CHD1L: variants seen among roughly 807,000 people sequenced by gnomAD.
CHD1L encodes ATP-dependent chromatin remodeler CHD1L.
A neutral mutation model predicts 115.9 loss-of-function variants in CHD1L; 118 were observed. The observed-to-expected ratio is 1.02, with a 90% CI of 0.88 to 1.19. The LOEUF is 1.19. CHD1L is among the 50% of genes most tolerant of loss of function. The pLI is 0.00. For missense variants in CHD1L, 1,179 were observed against 1,065.3 expected (o/e 1.11, Z -1.49); for synonymous variants, 411 against 387.1 (o/e 1.06, Z -0.72).
the CHD1L span, among the ~76,000 whole-genome samples, chr1:147,219,840 C>CTTTTTT: frequency 1.9e-4 from 25 of 132,874 alleles, no homozygotes; most frequent in African/African-American, 2.5e-4. Context: ...ATGTTAATTG[C>CTTTTTT]TTTTTTTTTT....
chr1:147,225,512 C>A, the CHD1L span: 1 of 160,276 alleles, frequency 6.2e-6, no homozygotes, highest in Admixed American at 5.9e-5. Flanking sequence ...CTGCTTTGGG[C>A]GAAAAAGTTA....
chr1:147,191,493 T>A, the CHD1L span, among the ~76,000 whole-genome samples: 1 of 152,062 alleles, frequency 6.6e-6, no homozygotes, highest in Non-Finnish European at 1.5e-5. Flanking sequence ...TTTTGAGAAG[T>A]GTCTGTTCAT....
At chr1:147,288,346 A>G (rs1288935139) in intron 19 of CHD1L, among the ~76,000 whole-genome samples, 442 of 3,644 alleles carry the variant, frequency 0.12, 3 homozygotes, top group African/African-American at 0.19. Context: ...AAAAAAAAAA[A>G]GAAAAAGAGA....
the CHD1L span, among the ~76,000 whole-genome samples, chr1:147,228,727 T>C: frequency 2.6e-5 from 4 of 152,208 alleles, no homozygotes; most frequent in East Asian, 1.9e-4. Context: ...TGGTATCTCA[T>C]TGTGGTTTTG....
chr1:147,208,818 C>T, the CHD1L span: 1 of 1,570,166 alleles, frequency 6.4e-7, no homozygotes, highest in Non-Finnish European at 8.8e-7. Flanking sequence ...TGTGCTTTGG[C>T]CACTATCCCT....
intron 3 of CHD1L, 59 bp downstream of exon 3, chr1:147,255,035 G>T: frequency 3.1e-6 from 4 of 1,284,806 alleles, no homozygotes; most frequent in Non-Finnish European, 2.1e-6. Context: ...TTTTTTTCTG[G>T]ATGATGTATA....
At position 147,293,696 on chromosome 1, in the gene CHD1L, T is replaced by TA; in HGVS notation, c.2481dup (p.Phe828IlefsTer24). On this transcript the variant is annotated frameshift_variant, in exon 21 of 23. Transcript: ENST00000369258. LOFTEE classifies it high-confidence loss of function. ...GCCCTAGAAGAGGGCCTGAAGAAGATATTTTTAGCAGCAAAAAAGAAGAAA... is the reference window on the plus strand; with the variant it reads ...GCCCTAGAAGAGGGCCTGAAGAAGATAATTTTTAGCAGCAAAAAAGAAGAAA... The TA allele has an allele frequency of 6.2e-7, 1 of 1,614,040 alleles. No individual in the cohort carries two copies.
the CHD1L span, among the ~76,000 whole-genome samples, chr1:147,197,992 A>G: frequency 6.6e-6 from 1 of 152,168 alleles, no homozygotes; most frequent in Non-Finnish European, 1.5e-5. Flanking sequence ...TCTGAATTAG[A>G]GTTCTGTGGT....
the CHD1L span, chr1:147,178,263 C>T: frequency 2.5e-6 from 4 of 1,613,514 alleles, no homozygotes; most frequent in Admixed American, 1.7e-5. Context: ...TCATGCTCGT[C>T]GAGTTCTTCG....
chr1:147,188,186 T>C, the CHD1L span, among the ~76,000 whole-genome samples: 5,595 of 152,228 alleles, frequency 0.037, 145 homozygotes, highest in South Asian at 0.095. Flanking sequence ...CAAGAGTTTG[T>C]AGACATGCAT....
the CHD1L span, among the ~76,000 whole-genome samples, chr1:147,226,460 C>T: frequency 6.6e-6 from 1 of 152,154 alleles, no homozygotes. Context: ...AGTGCTTTCA[C>T]ACAGTTATAT....
chr1:147,252,451 T>A (rs1668699521), intron 1 of CHD1L, among the ~76,000 whole-genome samples, 172 bp from the exon 2 acceptor site: 1 of 152,146 alleles, frequency 6.6e-6, no homozygotes, highest in Non-Finnish European at 1.5e-5. Context: ...CAAAAAGTAG[T>A]TTGGAAGTCA....
At chr1:147,288,981 A>T (rs587635295) in intron 19 of CHD1L, among the ~76,000 whole-genome samples, 1 of 152,284 alleles carries the variant, frequency 6.6e-6, no homozygotes, top group South Asian at 2.1e-4. Flanking sequence ...TCTGATAGAG[A>T]AGGGCCCTCC....
Position 147,280,159 on chromosome 1 carries a change from CAGA to C in CHD1L, c.1676_1678del (p.Glu559del), listed in dbSNP as rs782561214. 4.8e-5 allele frequency: 77 copies of C among 1,610,564 alleles called. 2 individuals are homozygous for C. The South Asian group carries it at 7.7e-4, about 16-fold the overall frequency. On this transcript the variant is annotated inframe_deletion, in exon 15 of 23. Coordinates refer to ENST00000369258, the MANE Select transcript of CHD1L (RefSeq NM_004284.6). ...TGGGTCTCTGATGCCTTGCCTGCAGCAGAAGGAGGGAGCAGAGATCAAGAGGAA... is the reference window on the plus strand; with the variant it reads ...TGGGTCTCTGATGCCTTGCCTGCAGCAGGAGGGAGCAGAGATCAAGAGGAA...
chr1:147,176,081 ATT>A, the CHD1L span: 1 of 152,096 alleles, frequency 6.6e-6, no homozygotes, highest in Non-Finnish European at 1.5e-5. Context: ...TAAAAAGTAA[ATT>A]TTTATTGTAT....
chr1:147,291,703 A>C, intron 20 of CHD1L, 151 bp downstream of exon 20: 1 of 652,266 alleles, frequency 1.5e-6, no homozygotes, highest in Non-Finnish European at 2.7e-6. Flanking sequence ...CTTAAACAAC[A>C]GAAATGTATT....
In CHD1L at chr1:147,267,406, T is replaced by G. The variant is rs1553949205; in HGVS notation, c.896-20T>G. On this transcript the variant is annotated intron_variant, in intron 8 of 22. Transcript: ENST00000369258. ...AGTAGGCCATCTCTTTCTGTCTCTCTCTTTTTTTTTAAATTTCAGATGCAT... is the reference window on the plus strand; with the variant it reads ...AGTAGGCCATCTCTTTCTGTCTCTCGCTTTTTTTTTAAATTTCAGATGCAT... 3 of 1,589,158 alleles carry G rather than the reference T, an allele frequency of 1.9e-6. No individual in the cohort carries two copies. Among genetic ancestry groups the G allele is most frequent in the Non-Finnish European group, 2.6e-6 (3 of 1,159,970 alleles).
intron 1 of CHD1L, among the ~76,000 whole-genome samples, chr1:147,244,016 G>A (rs782787492): frequency 4.0e-4 from 61 of 152,312 alleles, no homozygotes; most frequent in African/African-American, 1.4e-3. Flanking sequence ...AAGAATGTGT[G>A]GCTGTAAGGA....
rs1553953683 is a variant in CHD1L at position 147,272,117 on chromosome 1, C to T, written c.1160-54C>T. 6 of 1,482,700 alleles carry T rather than the reference C, an allele frequency of 4.0e-6. No homozygotes were observed. In the Admixed American group the frequency reaches 1.1e-4, roughly 28 times the overall value. The allele number at this position is 1,482,700 out of a possible 1,614,324, so 91.8% of individuals were successfully genotyped here. Reference sequence around the variant, plus strand: ...GGTTTTGGGCTTAATTTTTTATTCCCCAAAGACTACTTGAAAAGGGTTAAG... The same window carrying T: ...GGTTTTGGGCTTAATTTTTTATTCCTCAAAGACTACTTGAAAAGGGTTAAG... On this transcript the variant is annotated intron_variant, in intron 11 of 22. Coordinates refer to ENST00000369258, the MANE Select transcript of CHD1L (RefSeq NM_004284.6).
Sources: allele counts gnomAD v4.1 joint callset (sites outside exome capture counted in the v4.1 genomes callset), GRCh38; gene constraint gnomAD v4.1.1; transcripts MANE v1.5; gene names NCBI Gene and HGNC (gene_info 2026-07-23, HGNC 2026-07-21).